Variants in ITGA2B observed in about 807,000 individuals in gnomAD.
The protein encoded by ITGA2B is integrin alpha-IIb.
Under a neutral mutation model 142.0 loss-of-function variants are expected in ITGA2B, and 91 were observed. The observed-to-expected ratio is 0.64, with a 90% CI of 0.54 to 0.76. The LOEUF (loss-of-function observed/expected upper bound fraction) is 0.76. Ranked by LOEUF, ITGA2B falls within the 30% of genes least tolerant of loss-of-function variation. The pLI is 0.00. For missense variants in ITGA2B, 1,231 were observed against 1,350.8 expected (o/e 0.91, Z 1.39); for synonymous variants, 536 against 567.2 (o/e 0.94, Z 0.78).
At chr17:44,386,821 C>G (rs530745893) in intron 1 of ITGA2B, among the ~76,000 whole-genome samples, 11 of 152,204 alleles carry the variant, frequency 7.2e-5, no homozygotes, top group African/African-American at 2.4e-4. Flanking sequence ...GAGACAGGGT[C>G]TCATTCTGTT....
At chr17:44,374,152 C>T (rs1414036606) in intron 29 of ITGA2B, 32 of 609,174 alleles carry the variant, frequency 5.3e-5, no homozygotes, top group Middle Eastern at 8.9e-4. Context: ...GTGATCTAAA[C>T]GCTTTGGCCT....
At position 44,374,288 on chromosome 17, in the gene ITGA2B, C is replaced by T. The variant is rs966967303; in HGVS notation, c.3060+66G>A. 4.2e-6 allele frequency: 6 copies of T among 1,423,604 alleles called. No homozygotes were observed. In the East Asian group the frequency reaches 1.1e-4, roughly 27 times the overall value. 88.2% of individuals were successfully genotyped at this position (1,423,604 alleles called of 1,614,324 possible). ...GGTGGGCCACCATCTCTCCTTGACTCCCTGTGAGGCAGGGCAGAGCCAAGC... is the reference window on the plus strand; with the variant it reads ...GGTGGGCCACCATCTCTCCTTGACTTCCTGTGAGGCAGGGCAGAGCCAAGC... On this transcript the variant is annotated intron_variant, in intron 29 of 29. Coordinates refer to ENST00000262407, the MANE Select transcript of ITGA2B (RefSeq NM_000419.5).
At chr17:44,384,022 G>T in intron 10 of ITGA2B, 63 bp downstream of exon 10, 1 of 1,613,580 alleles carries the variant, frequency 6.2e-7, no homozygotes, top group East Asian at 2.2e-5. Flanking sequence ...CACCTCCCAT[G>T]AAATATTCTG....
In ITGA2B at chr17:44,375,054, C is replaced by T. The variant is rs2048528218; in HGVS notation, c.2785G>A (p.Gly929Arg). 1.3e-6 allele frequency: 2 copies of T among 1,547,556 alleles called. No individual in the cohort carries two copies. Among genetic ancestry groups the T allele is most frequent in the South Asian group, 1.2e-5 (1 of 84,042 alleles). Residue 929 changes from glycine (G) to arginine (R), a missense_variant, in exon 27 of 30, where the codon GGG becomes AGG. Around this residue, in one of 3 missense-constraint regions of ITGA2B, gnomAD observed 908 missense variants for 1,021.1 expected, o/e 0.89. Transcript: ENST00000262407. Reference protein sequence around the residue: ...VQCDLQEMARGQRAMVTVLAF... With the variant: ...VQCDLQEMARRQRAMVTVLAF... ...AGCACCGTGACCATGGCCCGCTGCC[C>T]GCGCGCCATCTCCTGCAGGTCACAC...
chr17:44,374,172 C>G (rs2048518971), intron 29 of ITGA2B, 182 bp downstream of exon 29: 1 of 672,910 alleles, frequency 1.5e-6, no homozygotes, highest in African/African-American at 1.8e-5. Flanking sequence ...TCCCAAAGTG[C>G]TGGGATTACA....
chr17:44,380,365 C>G, intron 15 of ITGA2B, 21 bp downstream of exon 15: 1 of 1,614,080 alleles, frequency 6.2e-7, no homozygotes, highest in Non-Finnish European at 8.5e-7. Context: ...CCTTTAAGGC[C>G]CATGCCCTCT....
intron 12 of ITGA2B, among the ~76,000 whole-genome samples, chr17:44,382,997 G>A (rs1178955613): frequency 6.6e-6 from 1 of 152,024 alleles, no homozygotes; most frequent in Non-Finnish European, 1.5e-5. Context: ...GATCTCTCTT[G>A]TGGAAGCGGG....
At position 44,385,273 on chromosome 17, in the gene ITGA2B, G is replaced by A; in HGVS notation, c.624+13C>T. 1 of 1,613,620 alleles carries A rather than the reference G, an allele frequency of 6.2e-7. No individual in the cohort carries two copies. The highest frequency in any genetic ancestry group is 8.5e-7 in the Non-Finnish European group (1 of 1,179,994). ...TGGGAGCCGCCCCCACTGCGCTTTT[G>A]CTCCCTACTCGCCTGAGTGACCACG... is the stretch of plus-strand genomic sequence containing the variant. On this transcript the variant is annotated intron_variant, in intron 5 of 29. Transcript: ENST00000262407.
At chr17:44,383,101 G>A (rs934620237) in intron 12 of ITGA2B, among the ~76,000 whole-genome samples, 1 of 152,058 alleles carries the variant, frequency 6.6e-6, no homozygotes, top group Non-Finnish European at 1.5e-5. Context: ...CTGATCTCCC[G>A]CCTCTCCCCA....
chr17:44,388,818 C>CTTTTTTT (rs758076614), intron 1 of ITGA2B, among the ~76,000 whole-genome samples: 5 of 132,200 alleles, frequency 3.8e-5, no homozygotes, highest in African/African-American at 5.7e-5. Flanking sequence ...TGCCTGGTCT[C>CTTTTTTT]TTTTTTTTTT....
chr17:44,383,942 G>A lies in ITGA2B; in HGVS notation c.950C>T (p.Ala317Val), dbSNP rs752213788. The A allele has an allele frequency of 6.8e-6, 11 of 1,613,856 alleles. No homozygotes were observed. In the African/African-American group the frequency reaches 1.2e-4, roughly 18 times the overall value. Residue 317 changes from alanine to valine, a missense_variant, in exon 11 of 30, where the codon GCG (alanine) becomes GTG (valine). By Grantham distance (64) the Ala-to-Val change is moderately conservative. Transcript: ENST00000262407. ...AGCCACTGAATGCCCAAAATACGAC[G>A]CCATCTGCAAGATGAGGAGCACCAT... is the stretch of plus-strand genomic sequence containing the variant. ...RLHRLRGEQM[A>V]SYFGHSVAVT...
At chr17:44,378,750 G>A (rs1362251674) in intron 18 of ITGA2B, 40 bp from the exon 19 acceptor site, 1 of 1,539,644 alleles carries the variant, frequency 6.5e-7, no homozygotes. Flanking sequence ...AGTTGGGGAT[G>A]TGTGAGGTTT....
intron 12 of ITGA2B, 105 bp from the exon 13 acceptor site, chr17:44,381,166 A>G (rs2048594357): frequency 5.3e-6 from 6 of 1,138,132 alleles, no homozygotes; most frequent in Non-Finnish European, 7.4e-6. Flanking sequence ...AGACTAGGAA[A>G]GGGGTGCAAA....
chr17:44,388,818 CTTTT>C (rs758076614), intron 1 of ITGA2B, among the ~76,000 whole-genome samples: 19 of 132,200 alleles, frequency 1.4e-4, no homozygotes, highest in Non-Finnish European at 1.9e-4. Context: ...TGCCTGGTCT[CTTTT>C]TTTTTTTTTT....
Position 44,379,692 on chromosome 17 carries a change from C to T in ITGA2B, c.1875G>A (p.Glu625=), listed in dbSNP as rs2048576522. 6.2e-7 allele frequency: 1 copy of T among 1,613,952 alleles called. No homozygotes were observed. The change falls in exon 18 of 30, where the codon GAG becomes GAA. Residue 625 remains glutamate (E), a synonymous_variant. Coordinates refer to ENST00000262407, the MANE Select transcript of ITGA2B (RefSeq NM_000419.5). ...VVLHGDTHVQ[E]QTRIVLDCGE... ...GCCTGTCCCTGCCTGTCCCTACCTGCTCCTGCACATGGGTGTCTCCATGCA... is the reference window on the plus strand; with the variant it reads ...GCCTGTCCCTGCCTGTCCCTACCTGTTCCTGCACATGGGTGTCTCCATGCA...
At chr17:44,374,868 C>T (rs375280863) in intron 27 of ITGA2B, 108 bp from the exon 28 acceptor site, 12 of 1,253,398 alleles carry the variant, frequency 9.6e-6, no homozygotes, top group South Asian at 3.8e-5. Flanking sequence ...GACCTAATCC[C>T]ACTGCAATCC....
Position 44,389,467 on chromosome 17 carries a change from T to C in ITGA2B, c.7A>G (p.Arg3Gly), listed in dbSNP as rs2048679968. The change falls in exon 1 of 30, where the codon AGA (arginine) becomes GGA (glycine). Residue 3 changes from arginine to glycine, a missense_variant. Physicochemically the swap from Arg to Gly is moderately radical, Grantham distance 125. Around this residue, in one of 3 missense-constraint regions of ITGA2B, gnomAD observed 318 missense variants for 312.2 expected, o/e 1.02. Transcript: ENST00000262407. ...AGGGCTTGCAGTGGACACAAAGCTC[T>C]GGCCATCTTCCTTCTTCCACAACCT... Reference protein sequence around the residue: MARALCPLQALWL... With the variant: MAGALCPLQALWL... 2 of 1,613,420 alleles carry C rather than the reference T, an allele frequency of 1.2e-6. No homozygotes were observed. Among genetic ancestry groups the C allele is most frequent in the South Asian group, 1.1e-5 (1 of 91,048 alleles).
At chr17:44,388,966 C>T (rs1030132252) in intron 1 of ITGA2B, among the ~76,000 whole-genome samples, 1 of 152,074 alleles carries the variant, frequency 6.6e-6, no homozygotes, top group South Asian at 2.1e-4. Context: ...CGCCCGGCCT[C>T]CTCTCTGCAT....
chr17:44,378,547 C>A (rs2143451743), intron 19 of ITGA2B, 38 bp from the exon 20 acceptor site: 3 of 1,611,752 alleles, frequency 1.9e-6, no homozygotes, highest in Non-Finnish European at 2.5e-6. Context: ...GAGCCTGGGT[C>A]TGGGCCCAGG....
Sources: allele counts gnomAD v4.1 joint callset (sites outside exome capture counted in the v4.1 genomes callset), GRCh38; gene constraint gnomAD v4.1.1; regional missense constraint gnomAD v4.1.1; transcripts MANE v1.5; gene names NCBI Gene and HGNC (gene_info 2026-07-23, HGNC 2026-07-21).